TACC3: variants seen among roughly 807,000 people sequenced by gnomAD.
TACC3 encodes the protein transforming acidic coiled-coil containing protein 3, also known as transforming acidic coiled-coil-containing protein 3.
Under a neutral mutation model 86.0 loss-of-function variants are expected in TACC3, and 52 were observed. The observed-to-expected ratio is 0.60, with a 90% CI of 0.48 to 0.76. The LOEUF is 0.76. TACC3 is among the 30% of genes least tolerant of loss of function. The pLI is 0.00. For missense variants in TACC3, 1,120 were observed against 1,070.4 expected, an observed-to-expected ratio of 1.05 and a Z score of -0.65; for synonymous variants, 512 against 430.0, an observed-to-expected ratio of 1.19 and a Z score of -2.36.
At chr4:1,743,095 G>A (rs952282047) in intron 13 of TACC3, among the ~76,000 whole-genome samples, 2 of 145,038 alleles carry the variant, frequency 1.4e-5, no homozygotes, top group African/African-American at 5.1e-5. Flanking sequence ...AACCCTTTCT[G>A]TACTAAAAAT....
Position 1,744,576 on chromosome 4 carries a change from G to T in TACC3, c.2282G>T (p.Gly761Val), listed in dbSNP as rs751744980. ...TACCTGGCAAGGATCACCCAGGAGG[G>T]CCAGAGGTACCAAGCCCTGAAGGCC... The part of the protein sequence containing the change: ...EDYLARITQE[G>V]QRYQALKAHA... The change falls in exon 14 of 16, where the codon GGC becomes GTC. Residue 761 changes from glycine (G) to valine (V), a missense_variant. By Grantham distance (109) the Gly-to-Val change is moderately radical (BLOSUM62 -3). Transcript: ENST00000313288. The T allele has an allele frequency of 8.7e-6, 14 of 1,613,284 alleles. No individual in the cohort carries two copies. Among genetic ancestry groups the T allele is most frequent in the Non-Finnish European group, 1.1e-5 (13 of 1,180,006 alleles).
intron 4 of TACC3, chr4:1,730,661 C>G (rs1717959288): frequency 1.5e-6 from 1 of 678,300 alleles, no homozygotes; most frequent in South Asian, 1.5e-5. Context: ...GCCTGCTTCT[C>G]CCAGAGCTGG....
chr4:1,740,297 AC>A, intron 12 of TACC3: 1 of 535,496 alleles, frequency 1.9e-6, no homozygotes, highest in Non-Finnish European at 3.3e-6. Flanking sequence ...GCCGTGGCCT[AC>A]CCCACTCCAC....
In TACC3 at chr4:1,733,705, C is replaced by T. The variant is rs555622951; in HGVS notation, c.1592-1568C>T. The stretch of plus-strand genomic sequence containing the variant: ...TGAAAACTGACAACAAGGCTAGGTG[C>T]GGTGGCTCACGCCCGTAATCCTAGC... On this transcript the variant is annotated intron_variant, in intron 6 of 15. Transcript: ENST00000313288. 9.2e-5 allele frequency among the ~76,000 whole-genome samples: 14 copies of T among 152,204 alleles called. No individual in the cohort carries two copies. The South Asian group carries it at 1.0e-3, about 11-fold the overall frequency.
chr4:1,722,624 T>TC (rs983101022), intron 1 of TACC3, among the ~76,000 whole-genome samples: 6 of 152,052 alleles, frequency 3.9e-5, no homozygotes, highest in African/African-American at 1.4e-4. Context: ...CCTCCCCAGG[T>TC]CCCCCTCCAC....
upstream of TACC3, chr4:1,721,438 T>C (rs1329141444): frequency 1.3e-5 from 2 of 151,802 alleles, no homozygotes; most frequent in Non-Finnish European, 2.9e-5. Flanking sequence ...CCCGCCCTCC[T>C]GCGGTCCTGC....
intron 2 of TACC3, 25 bp downstream of exon 2, chr4:1,723,608 G>T (rs201821987): frequency 1.7e-5 from 27 of 1,609,774 alleles, no homozygotes; most frequent in Non-Finnish European, 2.3e-5. Context: ...TACAGTGTGT[G>T]GCTGGCCAGG....
At chr4:1,730,192 C>T (rs1021065366) in intron 4 of TACC3, among the ~76,000 whole-genome samples, 4 of 152,196 alleles carry the variant, frequency 2.6e-5, no homozygotes, top group Non-Finnish European at 5.9e-5. Flanking sequence ...GCACCCGCCA[C>T]CATGCCCGGC....
At chr4:1,743,751 G>A (rs996878828) in intron 13 of TACC3, among the ~76,000 whole-genome samples, 1 of 152,162 alleles carries the variant, frequency 6.6e-6, no homozygotes, top group Non-Finnish European at 1.5e-5. Context: ...GCACACGTGA[G>A]AGCTTCCGGA....
chr4:1,733,464 G>A (rs900439907), intron 6 of TACC3, among the ~76,000 whole-genome samples: 2 of 151,838 alleles, frequency 1.3e-5, no homozygotes, highest in Non-Finnish European at 2.9e-5. Context: ...ACTAACCTGG[G>A]CAACATGGCA....
Position 1,739,987 on chromosome 4 carries a change from G to A in TACC3, c.2047G>A (p.Val683Met). The A allele has an allele frequency of 6.2e-7, 1 of 1,613,098 alleles. No individual in the cohort carries two copies. The highest frequency in any genetic ancestry group is 1.1e-5 in the South Asian group (1 of 91,088). Reference protein sequence around the residue: ...GKIMDRFEEVVYQAMEEVQKQ... With the variant: ...GKIMDRFEEVMYQAMEEVQKQ... ...GATCATGGACAGGTTCGAAGAGGTTGTGTACCAGGCCATGGGTGAGTGCCC... is the reference window on the plus strand; with the variant it reads ...GATCATGGACAGGTTCGAAGAGGTTATGTACCAGGCCATGGGTGAGTGCCC... Residue 683 changes from valine (V) to methionine (M), a missense_variant, in exon 12 of 16, where the codon GTG becomes ATG. By Grantham distance (21) the Val-to-Met change is conservative. Coordinates refer to ENST00000313288, the MANE Select transcript of TACC3 (RefSeq NM_006342.3).
At position 1,727,790 on chromosome 4, in the gene TACC3, G is replaced by A; in HGVS notation, c.388G>A (p.Gly130Arg). ...AGTGGAGGCTGACACCGACCTCCTG[G>A]GGGATGCAAGCCCAGCCTTTGGGAG... ...KPVEADTDLL[G>R]DASPAFGSGS... Residue 130 changes from glycine to arginine, a missense_variant, in exon 4 of 16, where the codon GGG becomes AGG. Physicochemically the swap from Gly to Arg is moderately radical, Grantham distance 125 (BLOSUM62 -2). Coordinates refer to ENST00000313288, the MANE Select transcript of TACC3 (RefSeq NM_006342.3). 1 of 1,613,136 alleles carries A rather than the reference G, an allele frequency of 6.2e-7. No individual in the cohort carries two copies.
chr4:1,738,219 G>C (rs1718388061), intron 10 of TACC3: 1 of 278,708 alleles, frequency 3.6e-6, no homozygotes. Flanking sequence ...AAGGGGCTGG[G>C]TGTCTGCAGG....
At chr4:1,730,691 C>A in intron 4 of TACC3, 196 bp from the exon 5 acceptor site, 1 of 731,074 alleles carries the variant, frequency 1.4e-6, no homozygotes, top group East Asian at 2.6e-5. Context: ...CGCGTGTTTT[C>A]CTGCTGGGTG....
Position 1,739,946 on chromosome 4 carries a change from TCTC to T in TACC3, c.2019-8_2019-6del, listed in dbSNP as rs761028875. On this transcript the variant is annotated splice_polypyrimidine_tract_variant and intron_variant, in intron 11 of 15. Coordinates refer to ENST00000313288, the MANE Select transcript of TACC3 (RefSeq NM_006342.3). Reference sequence around the variant, plus strand: ...CCCGAGGCAATGGCTGTGTGTCTGTTCTCCTCCCACAGGAAGATCATGGACAGG... The same window carrying T: ...CCCGAGGCAATGGCTGTGTGTCTGTTCTCCCACAGGAAGATCATGGACAGG... 8.7e-5 allele frequency: 140 copies of T among 1,612,998 alleles called. 1 individual carries two copies. Among genetic ancestry groups the T allele is most frequent in the Middle Eastern group, 4.9e-4 (3 of 6,062 alleles).
At chr4:1,724,769 G>A (rs1443566856) in intron 3 of TACC3, among the ~76,000 whole-genome samples, 1 of 149,862 alleles carries the variant, frequency 6.7e-6, no homozygotes, top group Non-Finnish European at 1.5e-5. Context: ...AACTGTTGTT[G>A]CTGTTGTTTT....
upstream of TACC3, chr4:1,720,648 AGTG>A: frequency 6.5e-7 from 1 of 1,543,668 alleles, no homozygotes; most frequent in Non-Finnish European, 8.7e-7. This position sits in a 1 kb window ranked among gnomAD's most constrained non-coding sequence, Gnocchi z 4.4. Context: ...GGCAGCAGCG[AGTG>A]GCACAACAGC....
At chr4:1,727,310 G>A (rs764713208) in intron 3 of TACC3, among the ~76,000 whole-genome samples, 2 of 152,218 alleles carry the variant, frequency 1.3e-5, no homozygotes, top group Non-Finnish European at 2.9e-5. Flanking sequence ...GGGCCTGGGG[G>A]CAGACCTCGT....
At chr4:1,728,835 G>A (rs1357348391) in intron 4 of TACC3, 48 bp downstream of exon 4, 2 of 1,534,454 alleles carry the variant, frequency 1.3e-6, no homozygotes, top group Non-Finnish European at 1.8e-6. Context: ...CAGCTGCCCT[G>A]CAGTGTATGT....
Sources: gnomAD v4.1 joint callset for allele counts (sites outside exome capture counted in the v4.1 genomes callset) on GRCh38, gnomAD v4.1.1 for gene constraint, Gnocchi (gnomAD v3.1) non-coding constraint, MANE v1.5 for transcripts, NCBI Gene and HGNC (gene_info 2026-07-23, HGNC 2026-07-21) for gene names.